CPXM2: variants seen among roughly 807,000 people sequenced by gnomAD.
The protein encoded by CPXM2 is inactive carboxypeptidase-like protein X2.
In CPXM2, 66 loss-of-function variants were observed where a neutral mutation model predicts 86.1. The observed-to-expected ratio is 0.77, with a 90% CI of 0.63 to 0.94. CPXM2 has a LOEUF of 0.94. Among genes scored for constraint, CPXM2 ranks in the 40% least tolerant of loss-of-function variants. The pLI, the probability that CPXM2 is intolerant of heterozygous loss-of-function variation, is 0.00. For missense variants in CPXM2, 948 were observed against 1,026.3 expected, an observed-to-expected ratio of 0.92 and a Z score of 1.04; for synonymous variants, 388 against 400.2, an observed-to-expected ratio of 0.97 and a Z score of 0.36.
In CPXM2 at chr10:123,917,834, A is replaced by G. The variant is rs140851619; in HGVS notation, n.174+21643T>C. Among the ~76,000 whole-genome samples, 123 of 152,360 alleles carry G rather than the reference A, an allele frequency of 8.1e-4. 2 individuals are homozygous for G. The Middle Eastern group carries it at 0.014, about 17-fold the overall frequency. ...CCCACATGCCTCAACACTGTGCTAT[A>G]TAACTTATTCAACAAATCTTTATTG... On this transcript the variant is annotated intron_variant and non_coding_transcript_variant, in intron 2 of 19. Coordinates refer to the CPXM2 transcript ENST00000368854.
At chr10:123,751,174 C>T (rs945364446) in intron 13 of CPXM2, 10 of 406,960 alleles carry the variant, frequency 2.5e-5, no homozygotes, top group Non-Finnish European at 3.0e-5. Flanking sequence ...CACGGCTTAG[C>T]GCCACTGACG....
At chr10:123,892,877 T>C (rs1400461849), upstream of CPXM2, among the ~76,000 whole-genome samples, 1 of 152,182 alleles carries the variant, frequency 6.6e-6, no homozygotes, top group Non-Finnish European at 1.5e-5. Context: ...TTCTGCAGGC[T>C]CCTCCAGGCC....
intron 2 of CPXM2, among the ~76,000 whole-genome samples, chr10:123,864,195 A>T (rs1312728962): frequency 6.6e-6 from 1 of 151,964 alleles, no homozygotes; most frequent in Non-Finnish European, 1.5e-5. Context: ...CACAGTCAGC[A>T]TTCTCAGGAA....
At chr10:123,778,168 T>C (rs1191307110) in intron 7 of CPXM2, among the ~76,000 whole-genome samples, 1 of 152,244 alleles carries the variant, frequency 6.6e-6, no homozygotes, top group Non-Finnish European at 1.5e-5. Context: ...TAAGGTTTTC[T>C]ATTTTCACTT....
At chr10:123,827,367 C>T (rs1848069320) in intron 4 of CPXM2, among the ~76,000 whole-genome samples, 1 of 152,056 alleles carries the variant, frequency 6.6e-6, no homozygotes, top group African/African-American at 2.4e-5. Context: ...AGATTGCCCA[C>T]CAAAAGTAAA....
chr10:123,782,471 G>T (rs1467164559), intron 6 of CPXM2, among the ~76,000 whole-genome samples: 1 of 152,152 alleles, frequency 6.6e-6, no homozygotes, highest in Non-Finnish European at 1.5e-5. Context: ...GGCTAATAGG[G>T]CTTCTGAAAG....
At chr10:123,751,479 C>G in intron 13 of CPXM2, 1 of 983,456 alleles carries the variant, frequency 1.0e-6, no homozygotes, top group South Asian at 4.7e-5. Context: ...TCCCGCCACC[C>G]TGACACATCT....
rs1256185383 is a variant in CPXM2, at chr10:123,926,825, G to C, written n.174+12652C>G. ...GAATCCCCAGGGCTTCTGAGCTGCT[G>C]TGTCTGCCCTGTACTGCATGGCTCC... On this transcript the variant is annotated intron_variant and non_coding_transcript_variant, in intron 2 of 19. Coordinates refer to the CPXM2 transcript ENST00000368854. 3.3e-5 allele frequency among the ~76,000 whole-genome samples: 5 copies of C among 152,182 alleles called. No homozygotes were observed. In the East Asian group the frequency reaches 9.6e-4, roughly 29 times the overall value.
intron 11 of CPXM2, among the ~76,000 whole-genome samples, chr10:123,758,428 C>A (rs555035788): frequency 3.3e-5 from 5 of 152,112 alleles, no homozygotes; most frequent in Non-Finnish European, 7.3e-5. Context: ...TGTCTTCATA[C>A]GGGCTTCTCT....
At chr10:123,769,269 G>C (rs982052890) in intron 8 of CPXM2, among the ~76,000 whole-genome samples, 2 of 152,072 alleles carry the variant, frequency 1.3e-5, no homozygotes, top group African/African-American at 4.8e-5. Flanking sequence ...TCATATCCTG[G>C]AACTTAAGAT....
At chr10:123,860,647 G>C (rs997121502) in intron 3 of CPXM2, among the ~76,000 whole-genome samples, 6 of 152,168 alleles carry the variant, frequency 3.9e-5, no homozygotes, top group Non-Finnish European at 2.9e-5. Context: ...CCTAATTAAT[G>C]CACAAAACAG....
chr10:123,855,308 A>G (rs1431407167), intron 3 of CPXM2, among the ~76,000 whole-genome samples: 1 of 152,186 alleles, frequency 6.6e-6, no homozygotes, highest in African/African-American at 2.4e-5. Context: ...TAGCACATAT[A>G]TGGCCCCCAA....
chr10:123,936,555 C>T (rs998185121), intron 2 of CPXM2, among the ~76,000 whole-genome samples: 2 of 152,186 alleles, frequency 1.3e-5, no homozygotes, highest in Admixed American at 6.5e-5. Flanking sequence ...ATCTCAGCAC[C>T]ATGATGCATC....
intron 4 of CPXM2, among the ~76,000 whole-genome samples, chr10:123,809,520 A>G (rs1847647170): frequency 6.6e-6 from 1 of 152,150 alleles, no homozygotes; most frequent in Non-Finnish European, 1.5e-5. Context: ...TCTAAGATAT[A>G]TAAATAGATA....
At chr10:123,840,738 GT>G (rs1255857634) in intron 4 of CPXM2, among the ~76,000 whole-genome samples, 31 of 151,978 alleles carry the variant, frequency 2.0e-4, no homozygotes, top group African/African-American at 7.3e-4. Context: ...TGTCTTTACA[GT>G]AAAAAAAAAA....
chr10:123,747,626 C>G (rs1033546768), intron 13 of CPXM2, among the ~76,000 whole-genome samples: 2 of 152,140 alleles, frequency 1.3e-5, no homozygotes, highest in African/African-American at 2.4e-5. Context: ...GAGACCCATG[C>G]TGGAGCTGAG....
chr10:123,878,505 ACGTGTG>A (rs1945029794), intron 2 of CPXM2, among the ~76,000 whole-genome samples: 1 of 88,454 alleles, frequency 1.1e-5, no homozygotes. Context: ...GCAAATTCAG[ACGTGTG>A]TGTGTGTGTG....
intron 6 of CPXM2, among the ~76,000 whole-genome samples, chr10:123,784,856 G>A (rs1847014707): frequency 6.6e-6 from 1 of 152,206 alleles, no homozygotes. Flanking sequence ...GAAGAATAGG[G>A]TCTGGAAGAA....
At chr10:123,894,033 A>G (rs1190994285), upstream of CPXM2, among the ~76,000 whole-genome samples, 1 of 152,230 alleles carries the variant, frequency 6.6e-6, no homozygotes, top group Non-Finnish European at 1.5e-5. Flanking sequence ...TAATTCTGAT[A>G]GCATCCAAAT....
Sources: gnomAD v4.1 joint callset for allele counts (sites outside exome capture counted in the v4.1 genomes callset) on GRCh38, gnomAD v4.1.1 for gene constraint, MANE v1.5 for transcripts, NCBI Gene and HGNC (gene_info 2026-07-23, HGNC 2026-07-21) for gene names.